The following SVOP variants were observed in gnomAD, a reference collection of about 807,000 sequenced individuals.
SVOP encodes the protein synaptic vesicle 2-related protein.
In SVOP, 17 loss-of-function variants were observed where a neutral mutation model predicts 69.1. That is an observed-to-expected ratio of 0.25 (90% CI 0.17 to 0.37). The LOEUF is 0.37. SVOP is among the 10% of genes least tolerant of loss of function. The probability of loss-of-function intolerance (pLI) is 1.00; values close to 1 mark genes in which losing one functional copy is unlikely to be tolerated. For synonymous variants in SVOP, 238 were observed against 238.6 expected (o/e 1.00, Z 0.02); for missense variants, 435 against 597.5 (o/e 0.73, Z 2.84).
At chr12:108,918,210 C>T in intron 13 of SVOP, 86 bp from the exon 14 acceptor site, 2 of 1,120,366 alleles carry the variant, frequency 1.8e-6, no homozygotes, top group Non-Finnish European at 1.2e-6. Flanking sequence ...AGTATCAATG[C>T]CCTAGCAATT....
chr12:108,995,635 A>G (rs1837444996), intron 1 of SVOP, among the ~76,000 whole-genome samples: 1 of 152,138 alleles, frequency 6.6e-6, no homozygotes, highest in Non-Finnish European at 1.5e-5. Flanking sequence ...AAAATGGTTT[A>G]TGGTCCTATA....
chr12:108,979,153 G>A (rs2040122838), intron 2 of SVOP, among the ~76,000 whole-genome samples: 2 of 152,178 alleles, frequency 1.3e-5, no homozygotes, highest in Non-Finnish European at 2.9e-5. Context: ...GTTTGTCAGA[G>A]GGAGGAAGGA....
chr12:108,940,451 A>G (rs540162109), intron 8 of SVOP, among the ~76,000 whole-genome samples: 5 of 152,198 alleles, frequency 3.3e-5, no homozygotes, highest in Non-Finnish European at 1.5e-5. Flanking sequence ...TACTCAAGCC[A>G]GTTTGAATTG....
At chr12:108,978,324 C>A in intron 3 of SVOP, 1 of 444,386 alleles carries the variant, frequency 2.3e-6, no homozygotes, top group Admixed American at 3.9e-5. Context: ...GCCCTGAGCC[C>A]AAAGAGTTGA....
At chr12:108,921,138 A>G (rs1325357310) in intron 12 of SVOP, among the ~76,000 whole-genome samples, 1 of 152,236 alleles carries the variant, frequency 6.6e-6, no homozygotes, top group Non-Finnish European at 1.5e-5. Flanking sequence ...GACTGCTTCC[A>G]GTTACAGAAA....
chr12:108,916,020 C>T, intron 14 of SVOP, 148 bp from the exon 15 acceptor site: 1 of 713,756 alleles, frequency 1.4e-6, no homozygotes, highest in South Asian at 2.2e-5. Flanking sequence ...GGACAGGGAT[C>T]CTCACCCCAA....
chr12:108,960,452 G>T (rs1405394935), intron 6 of SVOP, among the ~76,000 whole-genome samples: 1 of 152,186 alleles, frequency 6.6e-6, no homozygotes. Context: ...CATGTGGTTA[G>T]CATCATACTC....
chr12:108,980,400 T>G (rs1191745058), intron 2 of SVOP, among the ~76,000 whole-genome samples: 1 of 152,162 alleles, frequency 6.6e-6, no homozygotes, highest in Non-Finnish European at 1.5e-5. Flanking sequence ...GTCTATACTA[T>G]ATCTGCAATT....
In SVOP at chr12:108,943,513, G is replaced by A. The variant is rs141834128; in HGVS notation, c.642+1590C>T. ...ACTCAGGAGGCCGAGGCAGAGAATT[G>A]CTTAAACCTGGGAGGCGGAGGATGC... On this transcript the variant is annotated intron_variant, in intron 7 of 15. Coordinates refer to ENST00000610966, the MANE Select transcript of SVOP (RefSeq NM_018711.5). Among the ~76,000 whole-genome samples, 107 of 151,480 alleles carry A rather than the reference G, an allele frequency of 7.1e-4. 1 individual carries two copies. The East Asian group carries it at 0.021, about 30-fold the overall frequency.
chr12:108,985,284 AAAG>A (rs2040160631), intron 1 of SVOP, among the ~76,000 whole-genome samples: 1 of 148,384 alleles, frequency 6.7e-6, no homozygotes, highest in South Asian at 2.1e-4. Context: ...GAGAAGGAAG[AAAG>A]AAGAAGAAAG....
In SVOP at chr12:108,908,870, C is replaced by G. The variant is rs1593172245; in HGVS notation, c.*3665G>C. ...CTTGGTGCTCGTAGGCCCTTCCTTC[C>G]AGCCCTACAGCAGGACTCATGCTGG... On this transcript the variant is annotated 3_prime_UTR_variant, in exon 16 of 16. Coordinates refer to ENST00000610966, the MANE Select transcript of SVOP (RefSeq NM_018711.5). The G allele has an allele frequency of 3.3e-5, 5 of 152,302 alleles. No homozygotes were observed. The highest frequency in any genetic ancestry group is 4.8e-5 in the African/African-American group (2 of 41,540). The allele number at this position is 152,302 out of a possible 1,614,324, so 9.4% of individuals were successfully genotyped here. A position where few individuals can be genotyped will look rare whatever the true frequency, so the allele number is the denominator to read the frequency against.
chr12:109,015,483 T>C (rs896945039), intron 1 of SVOP, among the ~76,000 whole-genome samples: 2 of 152,058 alleles, frequency 1.3e-5, no homozygotes, highest in African/African-American at 2.4e-5. Flanking sequence ...GGGTGTTAAG[T>C]TGAAGGCAGG....
At chr12:108,954,987 A>G (rs771138458) in intron 6 of SVOP, among the ~76,000 whole-genome samples, 34 of 152,244 alleles carry the variant, frequency 2.2e-4, no homozygotes, top group Non-Finnish European at 4.6e-4. Flanking sequence ...ACTGTACTCC[A>G]GCCTGGGTAA....
chr12:108,996,301 T>C (rs2040231823), intron 1 of SVOP, among the ~76,000 whole-genome samples: 1 of 152,164 alleles, frequency 6.6e-6, no homozygotes, highest in South Asian at 2.1e-4. Context: ...CTCATGCCTG[T>C]AGTCCCCACA....
intron 7 of SVOP, among the ~76,000 whole-genome samples, chr12:108,942,834 G>A (rs1304703714): frequency 6.6e-6 from 1 of 152,122 alleles, no homozygotes; most frequent in African/African-American, 2.4e-5. Context: ...GTGCAATCTC[G>A]GCTCAGTGCA....
chr12:108,952,806 G>T (rs924773536), intron 6 of SVOP, among the ~76,000 whole-genome samples: 1 of 152,108 alleles, frequency 6.6e-6, no homozygotes, highest in Non-Finnish European at 1.5e-5. Context: ...CTGCAGGGAG[G>T]TATGATCGTG....
chr12:109,002,569 C>A (rs2040278264), intron 1 of SVOP, among the ~76,000 whole-genome samples: 1 of 148,864 alleles, frequency 6.7e-6, no homozygotes, highest in Non-Finnish European at 1.5e-5. Context: ...AAATGTCCAA[C>A]AATGATAGAC....
chr12:109,009,584 T>A (rs2040329783), intron 1 of SVOP, among the ~76,000 whole-genome samples: 1 of 151,844 alleles, frequency 6.6e-6, no homozygotes, highest in Admixed American at 6.6e-5. Context: ...AGCTAATTTT[T>A]GTATTTTTTT....
At chr12:109,007,521 G>T (rs1345854946) in intron 1 of SVOP, among the ~76,000 whole-genome samples, 3 of 152,196 alleles carry the variant, frequency 2.0e-5, no homozygotes, top group Non-Finnish European at 4.4e-5. Flanking sequence ...ATAAAGAGGA[G>T]CCTTATCAGG....
Sources: gnomAD v4.1 joint callset for allele counts (sites outside exome capture counted in the v4.1 genomes callset) on GRCh38, gnomAD v4.1.1 for gene constraint, MANE v1.5 for transcripts, NCBI Gene and HGNC (gene_info 2026-07-23, HGNC 2026-07-21) for gene names.